Variants in DENND5A observed in about 807,000 individuals in gnomAD.
The protein encoded by DENND5A is DENN domain containing 5A, also known as DENN domain-containing protein 5A.
In DENND5A, 64 loss-of-function variants were observed where a neutral mutation model predicts 140.3. That is an observed-to-expected ratio of 0.46 (90% CI 0.37 to 0.56). The LOEUF (loss-of-function observed/expected upper bound fraction) is 0.56. DENND5A is among the 20% of genes least tolerant of loss of function. DENND5A has a pLI of 0.00. For missense variants in DENND5A, 1,292 were observed against 1,593.8 expected (o/e 0.81, Z 3.22); for synonymous variants, 605 against 607.7 (o/e 1.00, Z 0.07).
In DENND5A at chr11:9,204,296, C is replaced by A. The variant is rs750199281; in HGVS notation, c.313G>T (p.Ala105Ser). 9 of 1,611,474 alleles carry A rather than the reference C, an allele frequency of 5.6e-6. No homozygotes were observed. The highest frequency in any genetic ancestry group is 7.6e-6 in the Non-Finnish European group (9 of 1,179,876). Residue 105 changes from alanine to serine, a missense_variant, in exon 4 of 23, where the codon GCA becomes TCA. By Grantham distance (99) the Ala-to-Ser change is moderately conservative (BLOSUM62 1). Transcript: ENST00000328194. ...VGMLCMPKGL[A>S]FKTQADPREP... ...CTGGGATCAGCCTGGGTCTTGAATG[C>A]CAGCCCTTTCGGCATACATAGCTGC...
At chr11:9,264,575 C>T (rs1037468737) in intron 1 of DENND5A, among the ~76,000 whole-genome samples, 1 of 151,942 alleles carries the variant, frequency 6.6e-6, no homozygotes, top group African/African-American at 2.4e-5. Context: ...TTTTGTTTTC[C>T]TTTTTTTTAA....
At chr11:9,149,008 A>G (rs987374473) in intron 15 of DENND5A, among the ~76,000 whole-genome samples, 2 of 152,236 alleles carry the variant, frequency 1.3e-5, no homozygotes, top group Non-Finnish European at 2.9e-5. Context: ...AAGATGGTAT[A>G]AGGTCATGGC....
intron 1 of DENND5A, among the ~76,000 whole-genome samples, chr11:9,241,966 A>C (rs973892019): frequency 1.4e-5 from 2 of 145,522 alleles, no homozygotes; most frequent in Admixed American, 1.4e-4. Context: ...GTGAGCAGAG[A>C]TTGCACCATT....
At chr11:9,207,519 A>T in intron 2 of DENND5A, 42 bp downstream of exon 2, 1 of 1,453,090 alleles carries the variant, frequency 6.9e-7, no homozygotes. Context: ...TGTAAGAACC[A>T]TTAGAAAGCT....
chr11:9,154,793 G>T (rs1344518351), intron 12 of DENND5A, among the ~76,000 whole-genome samples: 1 of 151,526 alleles, frequency 6.6e-6, no homozygotes, highest in Non-Finnish European at 1.5e-5. Flanking sequence ...TTCTAAGAAG[G>T]TCTATTGTTT....
intron 8 of DENND5A, among the ~76,000 whole-genome samples, chr11:9,172,795 G>C (rs1848413815): frequency 6.6e-6 from 1 of 152,070 alleles, no homozygotes; most frequent in African/African-American, 2.4e-5. Flanking sequence ...AAAGTGAGAA[G>C]ACAGAGGAGC....
At chr11:9,254,160 A>C (rs923229342) in intron 1 of DENND5A, among the ~76,000 whole-genome samples, 4 of 25,572 alleles carry the variant, frequency 1.6e-4, no homozygotes, top group Non-Finnish European at 3.0e-4. Context: ...CTGTCTCAGA[A>C]AAAAAAAAAA....
At chr11:9,229,413 G>A (rs952796399) in intron 1 of DENND5A, among the ~76,000 whole-genome samples, 4 of 151,984 alleles carry the variant, frequency 2.6e-5, no homozygotes, top group Non-Finnish European at 5.9e-5. Context: ...AAAGGAGACC[G>A]GAAGACCTCA....
At chr11:9,189,617 G>GTT (rs1253448369) in intron 5 of DENND5A, among the ~76,000 whole-genome samples, 1 of 136,916 alleles carries the variant, frequency 7.3e-6, no homozygotes, top group South Asian at 2.3e-4. Flanking sequence ...GCTGTTGTTT[G>GTT]GTTTTTTTTT....
At chr11:9,193,333 C>T (rs1276470645) in intron 5 of DENND5A, among the ~76,000 whole-genome samples, 161 bp downstream of exon 5, 1 of 152,168 alleles carries the variant, frequency 6.6e-6, no homozygotes, top group East Asian at 1.9e-4. Context: ...ATAAATTGAA[C>T]TAAATATTCA....
chr11:9,143,247 C>G lies in DENND5A; in HGVS notation c.3387+156G>C. The G allele has an allele frequency of 1.1e-5, 8 of 742,290 alleles. No individual in the cohort carries two copies. In the South Asian group the frequency reaches 1.3e-4, roughly 12 times the overall value. 46.0% of individuals were successfully genotyped at this position (742,290 alleles called of 1,614,324 possible). On this transcript the variant is annotated intron_variant, in intron 20 of 22. Transcript: ENST00000328194. ...GGCAAAGGCCCCCAGAGGAAGGAGT[C>G]TGCTCCATCTCCAACTAGCTGAGGC...
intron 1 of DENND5A, among the ~76,000 whole-genome samples, chr11:9,234,955 T>G (rs1850940183): frequency 6.6e-6 from 1 of 152,198 alleles, no homozygotes; most frequent in Non-Finnish European, 1.5e-5. Flanking sequence ...TTTCTGTGTG[T>G]GTGTCTTTTA....
chr11:9,150,278 T>C (rs1847572803), intron 14 of DENND5A, 69 bp from the exon 15 acceptor site: 1 of 1,569,090 alleles, frequency 6.4e-7, no homozygotes, highest in African/African-American at 1.4e-5. Context: ...ATAACTTACC[T>C]GTAAAGCCAA....
At chr11:9,264,913 C>T (rs1490637221) in intron 1 of DENND5A, 48 bp downstream of exon 1, 15 of 1,463,180 alleles carry the variant, frequency 1.0e-5, no homozygotes, top group Non-Finnish European at 1.3e-5. Context: ...CTGGGGTCCC[C>T]GACGACAGCG....
chr11:9,141,656 A>G (rs1354337373), intron 22 of DENND5A, among the ~76,000 whole-genome samples: 2 of 152,224 alleles, frequency 1.3e-5, no homozygotes, highest in East Asian at 3.8e-4. Context: ...GGGTACCTAA[A>G]CATCTCAACC....
chr11:9,249,888 C>T (rs888750678), intron 1 of DENND5A, among the ~76,000 whole-genome samples: 1 of 151,914 alleles, frequency 6.6e-6, no homozygotes, highest in African/African-American at 2.4e-5. Context: ...TGTTGCACTA[C>T]GTTGCCCGGG....
At chr11:9,165,236 G>A (rs550036363) in intron 11 of DENND5A, among the ~76,000 whole-genome samples, 27 of 152,148 alleles carry the variant, frequency 1.8e-4, no homozygotes, top group Non-Finnish European at 2.1e-4. Flanking sequence ...TCCTGACCTC[G>A]TGATCTGCCT....
chr11:9,242,844 C>G (rs1590327176), intron 1 of DENND5A: 1 of 151,612 alleles, frequency 6.6e-6, no homozygotes, highest in East Asian at 1.9e-4. Flanking sequence ...AATCCCAGCA[C>G]TTTCGGAGGC....
chr11:9,265,159 T>G lies in DENND5A; in HGVS notation c.-90A>C. On this transcript the variant is annotated 5_prime_UTR_variant, in exon 1 of 23. Coordinates refer to ENST00000328194, the MANE Select transcript of DENND5A (RefSeq NM_015213.4). The surrounding 1 kb of genome is among the most constrained non-coding windows in gnomAD (Gnocchi z 4.7). ...CGCCCGTCCGCCCTCAGGCCGCCCC[T>G]CCCGCCGCCGCCGCTACCGCGGCTC... 1 of 672,074 alleles carries G rather than the reference T, an allele frequency of 1.5e-6. No individual in the cohort carries two copies. The highest frequency in any genetic ancestry group is 1.8e-6 in the Non-Finnish European group (1 of 541,346). 41.6% of individuals were successfully genotyped at this position (672,074 alleles called of 1,614,324 possible). A position where few individuals can be genotyped will look rare whatever the true frequency, so the allele number is the denominator to read the frequency against.
Sources: gnomAD v4.1 joint callset for allele counts (sites outside exome capture counted in the v4.1 genomes callset) on GRCh38, gnomAD v4.1.1 for gene constraint, Gnocchi (gnomAD v3.1) non-coding constraint, MANE v1.5 for transcripts, NCBI Gene and HGNC (gene_info 2026-07-23, HGNC 2026-07-21) for gene names.